Variants in ROBO1 observed in about 807,000 individuals in gnomAD.
ROBO1 encodes roundabout guidance receptor 1.
A neutral mutation model predicts 195.9 loss-of-function variants in ROBO1; 149 were observed. That is an observed-to-expected ratio of 0.76 (90% CI 0.67 to 0.87). ROBO1 has a LOEUF of 0.87. Ranked by LOEUF, ROBO1 falls within the 40% of genes least tolerant of loss-of-function variation. The probability of loss-of-function intolerance (pLI) is 0.00; values close to 1 mark genes in which losing one functional copy is unlikely to be tolerated. For missense variants in ROBO1, 1,933 were observed against 2,068.3 expected, an observed-to-expected ratio of 0.93 and a Z score of 1.27; for synonymous variants, 816 against 733.2, an observed-to-expected ratio of 1.11 and a Z score of -1.82.
At chr3:79,493,973 A>C (rs2052616889) in intron 2 of ROBO1, among the ~76,000 whole-genome samples, 1 of 152,176 alleles carries the variant, frequency 6.6e-6, no homozygotes, top group Non-Finnish European at 1.5e-5. Context: ...ATCAAAGATA[A>C]GTTTGAAGTT....
At chr3:79,116,792 A>T (rs1232856571) in intron 3 of ROBO1, among the ~76,000 whole-genome samples, 1 of 152,092 alleles carries the variant, frequency 6.6e-6, no homozygotes, top group Non-Finnish European at 1.5e-5. Flanking sequence ...TGCTGGGATT[A>T]GAGGCATGAG....
At chr3:79,589,089 A>G (rs1943917581) in intron 2 of ROBO1, among the ~76,000 whole-genome samples, 1 of 151,674 alleles carries the variant, frequency 6.6e-6, no homozygotes, top group African/African-American at 2.4e-5. Flanking sequence ...AACTTGGCTA[A>G]ATTTTGACAT....
chr3:79,367,682 G>T (rs187181701), intron 2 of ROBO1, among the ~76,000 whole-genome samples: 1 of 152,246 alleles, frequency 6.6e-6, no homozygotes, highest in East Asian at 1.9e-4. Flanking sequence ...ATCAGTTTCA[G>T]CACATAGAAA....
chr3:78,750,643 T>C (rs2082769917), intron 4 of ROBO1, among the ~76,000 whole-genome samples: 1 of 152,080 alleles, frequency 6.6e-6, no homozygotes, highest in African/African-American at 2.4e-5. Flanking sequence ...TTCAGTGGTG[T>C]CTTTGCAACT....
intron 2 of ROBO1, among the ~76,000 whole-genome samples, chr3:79,387,912 G>A (rs1033465412): frequency 9.2e-5 from 14 of 152,092 alleles, no homozygotes; most frequent in African/African-American, 3.4e-4. Context: ...GGCCTTATGA[G>A]CTCCTTGCAA....
At chr3:79,478,002 A>G (rs2107359503) in intron 2 of ROBO1, among the ~76,000 whole-genome samples, 2 of 152,332 alleles carry the variant, frequency 1.3e-5, no homozygotes, top group South Asian at 4.1e-4. Context: ...AATTTTAAAG[A>G]CATTAGTGCA....
At chr3:79,326,613 A>G (rs987382224) in intron 2 of ROBO1, among the ~76,000 whole-genome samples, 5 of 152,182 alleles carry the variant, frequency 3.3e-5, no homozygotes, top group African/African-American at 9.7e-5. Context: ...AAAAAGGAAA[A>G]CCAATATGAA....
intron 2 of ROBO1, among the ~76,000 whole-genome samples, chr3:79,523,172 C>T (rs2107585532): frequency 6.8e-6 from 1 of 147,990 alleles, no homozygotes; most frequent in South Asian, 2.1e-4. Flanking sequence ...CACACACACA[C>T]ACACACACAC....
intron 2 of ROBO1, among the ~76,000 whole-genome samples, chr3:79,341,745 T>C (rs1269216344): frequency 6.6e-6 from 1 of 152,204 alleles, no homozygotes; most frequent in African/African-American, 2.4e-5. Context: ...GTTTTTTCCA[T>C]ATATTTTTCC....
At chr3:79,734,433 A>G (rs1401534406) in intron 1 of ROBO1, among the ~76,000 whole-genome samples, 1 of 152,166 alleles carries the variant, frequency 6.6e-6, no homozygotes. Context: ...GTTGTATTTA[A>G]TTTTTTTCTG....
chr3:79,439,060 C>T (rs1315374234), intron 2 of ROBO1, among the ~76,000 whole-genome samples: 1 of 151,948 alleles, frequency 6.6e-6, no homozygotes, highest in Non-Finnish European at 1.5e-5. Flanking sequence ...TATTTTCTGT[C>T]TGTTAAATAT....
At chr3:79,334,032 G>C (rs1225487544) in intron 2 of ROBO1, among the ~76,000 whole-genome samples, 1 of 152,072 alleles carries the variant, frequency 6.6e-6, no homozygotes, top group Non-Finnish European at 1.5e-5. Context: ...CAGGCTGGGT[G>C]TGGTGGCTCA....
intron 1 of ROBO1, among the ~76,000 whole-genome samples, chr3:79,737,968 C>A (rs1703458641): frequency 6.6e-6 from 1 of 152,146 alleles, no homozygotes; most frequent in South Asian, 2.1e-4. Context: ...TGGAAACCAG[C>A]CTGTTAGTCA....
intron 3 of ROBO1, among the ~76,000 whole-genome samples, chr3:78,960,411 T>A (rs1280497847): frequency 6.6e-6 from 1 of 150,674 alleles, no homozygotes; most frequent in African/African-American, 2.4e-5. Flanking sequence ...TATTTCTATG[T>A]ATTATACATA....
rs1429524585 is a variant in ROBO1 at position 78,855,386 on chromosome 3, AC to A, written c.499+83214del. The stretch of plus-strand genomic sequence containing the variant: ...AGATCTGCTCTTGGAGTGCTAACAA[AC>A]CAGTTTTCCAAGCCTGCAAAGTCAG... On this transcript the variant is annotated intron_variant, in intron 4 of 30. Transcript: ENST00000464233. Among the ~76,000 whole-genome samples, 5 of 152,300 alleles carry A rather than the reference AC, an allele frequency of 3.3e-5. No individual in the cohort carries two copies. The East Asian group carries it at 9.7e-4, about 29-fold the overall frequency.
intron 1 of ROBO1, among the ~76,000 whole-genome samples, chr3:79,661,291 T>G (rs1946321331): frequency 6.6e-6 from 1 of 152,068 alleles, no homozygotes; most frequent in African/African-American, 2.4e-5. Flanking sequence ...TATGCTCTCT[T>G]TCCCTCATTT....
chr3:79,543,476 A>G (rs1316893300), intron 2 of ROBO1, among the ~76,000 whole-genome samples: 1 of 151,044 alleles, frequency 6.6e-6, no homozygotes, highest in Non-Finnish European at 1.5e-5. Flanking sequence ...GTGCATCACT[A>G]GAGAGCCCAG....
intron 2 of ROBO1, among the ~76,000 whole-genome samples, chr3:79,493,140 A>C (rs1470508412): frequency 6.6e-6 from 1 of 152,064 alleles, no homozygotes; most frequent in Non-Finnish European, 1.5e-5. Context: ...GATAAAATAT[A>C]GCTATTATAA....
intron 2 of ROBO1, among the ~76,000 whole-genome samples, chr3:79,207,987 T>C (rs1436325538): frequency 1.3e-5 from 2 of 152,104 alleles, no homozygotes; most frequent in Non-Finnish European, 2.9e-5. Flanking sequence ...GGAACATTAG[T>C]AAAAGAAATT....
Sources: gnomAD v4.1 joint callset for allele counts (sites outside exome capture counted in the v4.1 genomes callset) on GRCh38, gnomAD v4.1.1 for gene constraint, MANE v1.5 for transcripts, NCBI Gene and HGNC (gene_info 2026-07-23, HGNC 2026-07-21) for gene names.